RSRC1: variants seen among roughly 807,000 people sequenced by gnomAD.
The protein encoded by RSRC1 is serine/Arginine-related protein 53.
A neutral mutation model predicts 49.1 loss-of-function variants in RSRC1; 39 were observed. That is an observed-to-expected ratio of 0.79 (90% confidence interval 0.61 to 1.04). The LOEUF (loss-of-function observed/expected upper bound fraction) is 1.04. Among genes scored for constraint, RSRC1 ranks in the 50% least tolerant of loss-of-function variants. The pLI is 0.00. For missense variants in RSRC1, 388 were observed against 402.4 expected (o/e 0.96, Z 0.31); for synonymous variants, 143 against 130.8 (o/e 1.09, Z -0.63).
intron 1 of RSRC1, among the ~76,000 whole-genome samples, chr3:158,113,036 G>A (rs1382157981): frequency 1.3e-5 from 2 of 152,060 alleles, no homozygotes; most frequent in African/African-American, 4.8e-5. Flanking sequence ...TCTTTATTCA[G>A]TCTATCATTG....
chr3:158,424,425 A>G (rs1285864820), intron 6 of RSRC1, among the ~76,000 whole-genome samples: 1 of 151,616 alleles, frequency 6.6e-6, no homozygotes, highest in Non-Finnish European at 1.5e-5. Context: ...CCCAGGGATG[A>G]AGCCCACTTG....
At chr3:158,465,418 T>G (rs1015902033) in intron 7 of RSRC1, among the ~76,000 whole-genome samples, 2 of 152,154 alleles carry the variant, frequency 1.3e-5, no homozygotes, top group African/African-American at 4.8e-5. Flanking sequence ...TTCCCTCCAC[T>G]GTGGTTCATC....
rs1256510424 is a variant in RSRC1 at position 158,207,664 on chromosome 3, G to GATAGATAGATAGATAGATAGATAA, written c.494+4420_494+4421insTAGATAGATAGATAGATAGATAAA. On this transcript the variant is annotated intron_variant, in intron 4 of 9. Transcript: ENST00000611884. Reference sequence around the variant, plus strand: ...AGATAGATAGATAGATAGATAGATAGACAGAGAGACAGACAGACAGACAGG... The same window carrying GATAGATAGATAGATAGATAGATAA: ...AGATAGATAGATAGATAGATAGATAGATAGATAGATAGATAGATAGATAAACAGAGAGACAGACAGACAGACAGG... Among the ~76,000 whole-genome samples, 168 of 152,068 alleles carry GATAGATAGATAGATAGATAGATAA rather than the reference G, an allele frequency of 1.1e-3. 2 individuals carry two copies. In the Middle Eastern group the frequency reaches 0.024, roughly 22 times the overall value.
chr3:158,488,388 A>G (rs1167485516), intron 7 of RSRC1, among the ~76,000 whole-genome samples: 1 of 152,178 alleles, frequency 6.6e-6, no homozygotes, highest in Non-Finnish European at 1.5e-5. Flanking sequence ...ATGAAATATG[A>G]TATTAATACC....
At chr3:158,531,358 T>C (rs1417613315) in intron 7 of RSRC1, among the ~76,000 whole-genome samples, 1 of 151,906 alleles carries the variant, frequency 6.6e-6, no homozygotes, top group Non-Finnish European at 1.5e-5. Flanking sequence ...ATGAGACATT[T>C]AGTGTGGATT....
chr3:158,446,051 T>A (rs190871714), intron 6 of RSRC1, among the ~76,000 whole-genome samples: 5 of 152,154 alleles, frequency 3.3e-5, no homozygotes, highest in African/African-American at 9.6e-5. Flanking sequence ...CCATAATTAA[T>A]GCCTACTTGA....
At chr3:158,166,562 CAGA>C (rs1181466646) in intron 3 of RSRC1, among the ~76,000 whole-genome samples, 1 of 152,126 alleles carries the variant, frequency 6.6e-6, no homozygotes, top group Non-Finnish European at 1.5e-5. Context: ...ATTATTTATG[CAGA>C]ATATTTTAAG....
intron 1 of RSRC1, among the ~76,000 whole-genome samples, chr3:158,111,703 C>G (rs770426012): frequency 5.3e-5 from 8 of 152,168 alleles, no homozygotes; most frequent in Non-Finnish European, 1.0e-4. Flanking sequence ...CCATTGTTTT[C>G]ACTTTTTCTG....
intron 6 of RSRC1, among the ~76,000 whole-genome samples, chr3:158,403,690 T>C (rs945080353): frequency 1.3e-5 from 2 of 151,818 alleles, no homozygotes; most frequent in African/African-American, 4.8e-5. Context: ...CAATTTTCTT[T>C]GTTGCTTAAA....
At chr3:158,370,932 C>T (rs898146590) in intron 6 of RSRC1, among the ~76,000 whole-genome samples, 2 of 151,702 alleles carry the variant, frequency 1.3e-5, no homozygotes, top group Non-Finnish European at 1.5e-5. Flanking sequence ...GTTCCATATC[C>T]TTGACATTAC....
intron 6 of RSRC1, among the ~76,000 whole-genome samples, chr3:158,385,903 A>G (rs1285320206): frequency 6.6e-6 from 1 of 152,136 alleles, no homozygotes; most frequent in African/African-American, 2.4e-5. Context: ...CCCATTAGTC[A>G]TTGTCGTTAT....
chr3:158,500,938 A>T (rs754607810), intron 7 of RSRC1, among the ~76,000 whole-genome samples: 6 of 151,552 alleles, frequency 4.0e-5, no homozygotes, highest in Admixed American at 6.6e-5. Flanking sequence ...TAGTTCCTTG[A>T]GGTGTGACCT....
At chr3:158,303,654 A>G (rs537271949) in intron 5 of RSRC1, 1 of 152,288 alleles carries the variant, frequency 6.6e-6, no homozygotes, top group East Asian at 1.9e-4. Flanking sequence ...TGTCCAATGA[A>G]GAAGGCCTTC....
intron 6 of RSRC1, among the ~76,000 whole-genome samples, chr3:158,376,870 C>G (rs1032938052): frequency 4.0e-5 from 6 of 151,786 alleles, no homozygotes; most frequent in African/African-American, 1.2e-4. Context: ...TTTTTTTAGA[C>G]TTATTTTTGG....
At chr3:158,138,069 T>A (rs932177970) in intron 3 of RSRC1, among the ~76,000 whole-genome samples, 1 of 152,140 alleles carries the variant, frequency 6.6e-6, no homozygotes, top group Non-Finnish European at 1.5e-5. Flanking sequence ...CCAGATACAA[T>A]TAGGGACCAG....
At chr3:158,344,257 T>G (rs1368044992) in intron 5 of RSRC1, among the ~76,000 whole-genome samples, 1 of 151,896 alleles carries the variant, frequency 6.6e-6, no homozygotes, top group African/African-American at 2.4e-5. Context: ...AGACTGCATC[T>G]CAAAAAAATA....
At chr3:158,256,196 G>T (rs879468786) in intron 4 of RSRC1, among the ~76,000 whole-genome samples, 18 of 152,078 alleles carry the variant, frequency 1.2e-4, no homozygotes, top group Non-Finnish European at 2.5e-4. Flanking sequence ...TTGGCTGTGG[G>T]TTTATCATAA....
At chr3:158,252,904 T>A (rs986337439) in intron 4 of RSRC1, among the ~76,000 whole-genome samples, 3 of 152,132 alleles carry the variant, frequency 2.0e-5, no homozygotes, top group Non-Finnish European at 4.4e-5. Context: ...ATTGATCCTT[T>A]AAATGTCTGT....
At chr3:158,143,988 G>C (rs1396503499) in intron 3 of RSRC1, among the ~76,000 whole-genome samples, 1 of 152,086 alleles carries the variant, frequency 6.6e-6, no homozygotes, top group Admixed American at 6.5e-5. Flanking sequence ...TCCTGGTATT[G>C]TTTTTAAAAG....
Sources: gnomAD v4.1 joint callset for allele counts (sites outside exome capture counted in the v4.1 genomes callset) on GRCh38, gnomAD v4.1.1 for gene constraint, MANE v1.5 for transcripts, NCBI Gene and HGNC (gene_info 2026-07-23, HGNC 2026-07-21) for gene names.